Variants in BMPR1B observed in about 807,000 individuals in gnomAD.
BMPR1B encodes bone morphogenetic protein receptor type 1B.
BMPR1B carries 12 observed loss-of-function variants against 59.1 expected under a neutral mutation model. The ratio of observed to expected loss-of-function variants is 0.20; its 90% CI spans 0.13 to 0.33. The LOEUF is 0.33. BMPR1B is among the 10% of genes least tolerant of loss of function. BMPR1B has a pLI of 1.00. For synonymous variants in BMPR1B, 237 were observed against 207.3 expected (o/e 1.14, Z -1.23); for missense variants, 550 against 610.9 (o/e 0.90, Z 1.05).
At chr4:94,905,254 T>C (rs1443019102) in intron 2 of BMPR1B, among the ~76,000 whole-genome samples, 1 of 152,066 alleles carries the variant, frequency 6.6e-6, no homozygotes, top group Non-Finnish European at 1.5e-5. Context: ...TTATGTTTTA[T>C]TTTTCACTGG....
chr4:95,126,834 G>A (rs1732941555), intron 8 of BMPR1B, among the ~76,000 whole-genome samples: 1 of 152,112 alleles, frequency 6.6e-6, no homozygotes, highest in Non-Finnish European at 1.5e-5. Flanking sequence ...ATATGTGAGT[G>A]AATACCTCAT....
At chr4:95,044,649 G>C (rs1725903752) in intron 3 of BMPR1B, among the ~76,000 whole-genome samples, 2 of 152,156 alleles carry the variant, frequency 1.3e-5, no homozygotes, top group South Asian at 4.1e-4. Context: ...AGAATAATGT[G>C]TCGCTCGTTC....
chr4:94,981,306 C>T (rs771352660), intron 2 of BMPR1B, among the ~76,000 whole-genome samples: 5 of 151,988 alleles, frequency 3.3e-5, no homozygotes, highest in Admixed American at 3.3e-4. Context: ...TGGGCTCAAG[C>T]AATCATCCTT....
chr4:94,817,254 TG>T (rs1410558155), intron 1 of BMPR1B, among the ~76,000 whole-genome samples: 1 of 152,196 alleles, frequency 6.6e-6, no homozygotes. Flanking sequence ...GCAGCATAAA[TG>T]GACTGAGGCA....
chr4:95,140,340 A>T (rs1241557491), intron 10 of BMPR1B, among the ~76,000 whole-genome samples: 1 of 152,012 alleles, frequency 6.6e-6, no homozygotes, highest in Non-Finnish European at 1.5e-5. Context: ...AACACCAGAG[A>T]TCCTACACAT....
chr4:95,152,072 A>G (rs898042428), intron 11 of BMPR1B, among the ~76,000 whole-genome samples: 1 of 151,960 alleles, frequency 6.6e-6, no homozygotes, highest in Non-Finnish European at 1.5e-5. Context: ...TAAATATAGG[A>G]AAAAAATCAG....
chr4:94,864,017 T>C (rs934268354), intron 1 of BMPR1B, among the ~76,000 whole-genome samples: 1 of 152,240 alleles, frequency 6.6e-6, no homozygotes, highest in African/African-American at 2.4e-5. Flanking sequence ...AAGATTCCAA[T>C]AGACATGATG....
At chr4:94,894,100 C>A (rs559272167) in intron 2 of BMPR1B, among the ~76,000 whole-genome samples, 1 of 152,150 alleles carries the variant, frequency 6.6e-6, no homozygotes, top group African/African-American at 2.4e-5. Flanking sequence ...ATTTTAGTTA[C>A]CCCATAGGAA....
At chr4:95,016,407 A>G (rs1376608724) in intron 3 of BMPR1B, among the ~76,000 whole-genome samples, 1 of 152,240 alleles carries the variant, frequency 6.6e-6, no homozygotes, top group Non-Finnish European at 1.5e-5. Flanking sequence ...AGTAGAAGAT[A>G]ATAGAATAGA....
intron 7 of BMPR1B, 42 bp downstream of exon 7, chr4:95,123,948 T>G: frequency 7.2e-7 from 1 of 1,385,312 alleles, no homozygotes; most frequent in Non-Finnish European, 1.0e-6. Flanking sequence ...TAATTTATAG[T>G]GTCTTCTTTT....
chr4:94,980,367 C>G (rs886605266), intron 2 of BMPR1B, among the ~76,000 whole-genome samples: 1 of 152,204 alleles, frequency 6.6e-6, no homozygotes, highest in African/African-American at 2.4e-5. Flanking sequence ...CACTCACCCT[C>G]TGGTAAATTC....
At chr4:94,848,389 T>G (rs2148944178) in intron 1 of BMPR1B, among the ~76,000 whole-genome samples, 1 of 152,062 alleles carries the variant, frequency 6.6e-6, no homozygotes, top group Admixed American at 6.6e-5. Context: ...GGATTAGGAG[T>G]GAGGTACAAT....
In BMPR1B at chr4:94,914,832, T is replaced by C. The variant is rs375244339; in HGVS notation, c.-113+38932T>C. The stretch of plus-strand genomic sequence containing the variant: ...TATAGATTAATAAAGTGAAAACATT[T>C]CATCTCATTTTGACTAAGTAGTCAA... On this transcript the variant is annotated intron_variant, in intron 2 of 12. Transcript: ENST00000515059. 3.0e-4 allele frequency among the ~76,000 whole-genome samples: 46 copies of C among 152,286 alleles called. 2 individuals are homozygous for C. The East Asian group carries it at 4.1e-3, about 13-fold the overall frequency.
Position 94,934,391 on chromosome 4 carries a change from T to C in BMPR1B, c.-113+58491T>C, listed in dbSNP as rs550590621. On this transcript the variant is annotated intron_variant, in intron 2 of 12. Coordinates refer to ENST00000515059, the MANE Select transcript of BMPR1B (RefSeq NM_001203.3). The stretch of plus-strand genomic sequence containing the variant: ...TTTCTCCTTTTTATGTATACACCAA[T>C]CTACCGCTGACTCACGTGCATGTTT... Among the ~76,000 whole-genome samples, 11 of 151,788 alleles carry C rather than the reference T, an allele frequency of 7.2e-5. No homozygotes were observed. The South Asian group carries it at 2.3e-3, about 32-fold the overall frequency.
intron 2 of BMPR1B, among the ~76,000 whole-genome samples, chr4:94,974,424 A>G (rs1304837316): frequency 1.3e-5 from 2 of 152,084 alleles, no homozygotes; most frequent in Non-Finnish European, 2.9e-5. Context: ...AGCCCTTGTC[A>G]GACTAGCTTT....
chr4:94,775,806 C>A (rs1369736668), intron 1 of BMPR1B, among the ~76,000 whole-genome samples: 2 of 152,080 alleles, frequency 1.3e-5, no homozygotes, highest in African/African-American at 4.8e-5. Flanking sequence ...AATTAATAGC[C>A]TTTGGCCAGA....
At chr4:94,869,314 A>C (rs1282188826) in intron 1 of BMPR1B, among the ~76,000 whole-genome samples, 1 of 151,994 alleles carries the variant, frequency 6.6e-6, no homozygotes, top group Admixed American at 6.6e-5. Flanking sequence ...TTTTCTTTAA[A>C]CCTTTTTCCG....
intron 2 of BMPR1B, among the ~76,000 whole-genome samples, chr4:94,983,782 A>G (rs918809624): frequency 1.3e-5 from 2 of 152,154 alleles, no homozygotes; most frequent in Non-Finnish European, 2.9e-5. Context: ...AGGAAGCTTT[A>G]TTTTCTATGT....
intron 2 of BMPR1B, among the ~76,000 whole-genome samples, chr4:94,962,552 C>G (rs1449690524): frequency 6.6e-6 from 1 of 152,046 alleles, no homozygotes; most frequent in African/African-American, 2.4e-5. Flanking sequence ...TTTTTTTTAG[C>G]TCCCACATAT....
Sources: allele counts gnomAD v4.1 joint callset (sites outside exome capture counted in the v4.1 genomes callset), GRCh38; gene constraint gnomAD v4.1.1; transcripts MANE v1.5; gene names NCBI Gene and HGNC (gene_info 2026-07-23, HGNC 2026-07-21).